Variants in NEURL1 observed in about 807,000 individuals in gnomAD.
NEURL1 encodes neuralized E3 ubiquitin protein ligase 1.
A neutral mutation model predicts 41.2 loss-of-function variants in NEURL1; 26 were observed. The ratio of observed to expected loss-of-function variants is 0.63; its 90% CI spans 0.46 to 0.87. NEURL1 has a LOEUF of 0.87. Among genes scored for constraint, NEURL1 ranks in the 40% least tolerant of loss-of-function variants. The pLI is 0.00. For synonymous variants in NEURL1, 400 were observed against 402.3 expected, an observed-to-expected ratio of 0.99 and a Z score of 0.07; for missense variants, 761 against 871.1, an observed-to-expected ratio of 0.87 and a Z score of 1.59.
chr10:103,578,314 C>A (rs1024908996), intron 3 of NEURL1, among the ~76,000 whole-genome samples: 18 of 152,224 alleles, frequency 1.2e-4, no homozygotes, highest in Non-Finnish European at 2.4e-4. Flanking sequence ...AAAAAGCCAA[C>A]CCCTCAAACC....
rs371448671 is a variant in NEURL1 at position 103,571,131 on chromosome 10, C to A, written c.327+18C>A. On this transcript the variant is annotated intron_variant, in intron 2 of 5. Coordinates refer to ENST00000369780, the MANE Select transcript of NEURL1 (RefSeq NM_004210.5). ...GGCTGAAGGTGGGCCTGCCCCCTGCCCCCGCCCCCGCCTCCTGCTTCCTGC... is the reference window on the plus strand; with the variant it reads ...GGCTGAAGGTGGGCCTGCCCCCTGCACCCGCCCCCGCCTCCTGCTTCCTGC... 1.2e-6 allele frequency: 2 copies of A among 1,607,614 alleles called. No homozygotes were observed.
At chr10:103,568,693 G>A (rs1024384498) in intron 1 of NEURL1, among the ~76,000 whole-genome samples, 6 of 152,028 alleles carry the variant, frequency 3.9e-5, no homozygotes, top group African/African-American at 2.4e-5. Context: ...TAAAAAAAAA[G>A]ATAAGGAACA....
chr10:103,505,913 A>C (rs1195080980), intron 1 of NEURL1, among the ~76,000 whole-genome samples: 1 of 152,096 alleles, frequency 6.6e-6, no homozygotes, highest in Non-Finnish European at 1.5e-5. Flanking sequence ...CCCGCTTCTC[A>C]CTCATTCTGT....
At chr10:103,505,220 A>ATTTT (rs34595199) in intron 1 of NEURL1, among the ~76,000 whole-genome samples, 2 of 128,642 alleles carry the variant, frequency 1.6e-5, no homozygotes, top group Non-Finnish European at 1.6e-5. Flanking sequence ...AGCCCAGCTA[A>ATTTT]TTTTTTTTTT....
intron 1 of NEURL1, among the ~76,000 whole-genome samples, chr10:103,498,813 G>A (rs1287526259): frequency 6.6e-6 from 1 of 152,144 alleles, no homozygotes; most frequent in Non-Finnish European, 1.5e-5. Context: ...TTTGTGTCAA[G>A]CGTCTTTTAC....
In NEURL1 at chr10:103,516,227, C is replaced by CAAAA. The variant is rs59180957; in HGVS notation, c.85+21769_85+21772dup. Among the ~76,000 whole-genome samples, 42 of 59,284 alleles carry CAAAA rather than the reference C, an allele frequency of 7.1e-4. 1 individual carries two copies. Among genetic ancestry groups the CAAAA allele is most frequent in the East Asian group, 1.8e-3 (4 of 2,228 alleles). 38.9% of individuals were successfully genotyped at this position (59,284 alleles called of 152,430 possible). A position where few individuals can be genotyped will look rare whatever the true frequency, so the allele number is the denominator to read the frequency against. On this transcript the variant is annotated intron_variant, in intron 1 of 5. Coordinates refer to ENST00000369780, the MANE Select transcript of NEURL1 (RefSeq NM_004210.5). ...TGGGTGATAGAGTGAGACCCCATCT[C>CAAAA]AAAAAAAAAAAAAAAAAGAAAAGAA...
rs761043422 is a variant in NEURL1, at chr10:103,516,842, TTCCTTTC to T, written c.85+22386_85+22392del. 7.9e-5 allele frequency among the ~76,000 whole-genome samples: 12 copies of T among 152,090 alleles called. No homozygotes were observed. In the East Asian group the frequency reaches 9.6e-4, roughly 12 times the overall value. On this transcript the variant is annotated intron_variant, in intron 1 of 5. Transcript: ENST00000369780. ...ACTTACACTTCCTGATTTATTTACT[TTCCTTTC>T]TCCTTTCTCCTTTCTTCCTTCCTCC... is the stretch of plus-strand genomic sequence containing the variant.
chr10:103,520,506 T>C (rs1482044952), intron 1 of NEURL1, among the ~76,000 whole-genome samples: 3 of 152,174 alleles, frequency 2.0e-5, no homozygotes, highest in African/African-American at 7.2e-5. Context: ...ATCACAATGG[T>C]GGAATGTCAT....
In NEURL1 at chr10:103,584,897, C is replaced by T; in HGVS notation, c.1011C>T (p.Thr337=). The change falls in exon 4 of 6, where the codon ACC becomes ACT. Residue 337 remains threonine, a synonymous_variant. Transcript: ENST00000369780. The part of the protein sequence containing the change: ...FTSRPVRVAE[T]IFVKVTRSGG... ...GCCGGCCCGTGCGCGTGGCCGAGAC[C>T]ATCTTCGTCAAGGTCACGCGCTCGG... The T allele has an allele frequency of 6.8e-7, 1 of 1,461,354 alleles. No individual in the cohort carries two copies. The highest frequency in any genetic ancestry group is 9.0e-7 in the Non-Finnish European group (1 of 1,115,080). 90.5% of individuals were successfully genotyped at this position (1,461,354 alleles called of 1,614,324 possible).
At chr10:103,519,777 T>C (rs775089556) in intron 1 of NEURL1, among the ~76,000 whole-genome samples, 3 of 143,534 alleles carry the variant, frequency 2.1e-5, no homozygotes, top group Non-Finnish European at 4.6e-5. Context: ...TTTTTTGTTG[T>C]TGTTGTTGTT....
rs116006692 is a variant in NEURL1 at position 103,570,596 on chromosome 10, G to A, written c.86-276G>A. Among the ~76,000 whole-genome samples, 647 of 148,470 alleles carry A rather than the reference G, an allele frequency of 4.4e-3. 5 individuals are homozygous for A. The highest frequency in any genetic ancestry group is 0.015 in the African/African-American group (597 of 40,484). ...GCAGAGGGTGGTAAATACTAGTGGG[G>A]AGAGGAGGTGGGAGAGGGTGGGGGT... On this transcript the variant is annotated intron_variant, in intron 1 of 5. Transcript: ENST00000369780.
intron 3 of NEURL1, among the ~76,000 whole-genome samples, chr10:103,583,117 T>C (rs1201416260): frequency 6.6e-6 from 1 of 152,088 alleles, no homozygotes; most frequent in Non-Finnish European, 1.5e-5. Flanking sequence ...ATTAGAAGAA[T>C]ATGGTGTTGG....
chr10:103,510,417 C>T (rs965003722), intron 1 of NEURL1, among the ~76,000 whole-genome samples: 4 of 152,162 alleles, frequency 2.6e-5, no homozygotes, highest in East Asian at 3.9e-4. Flanking sequence ...TGGATCTTAA[C>T]GTGTGCTGAG....
rs774034733 is a variant in NEURL1, at chr10:103,584,683, C to T, written c.797C>T (p.Ala266Val). ...NVPGADGDEA[A>V]PAAGCPIPQN... ...CCGGGCGCGGACGGCGACGAGGCCG[C>T]GCCGGCCGCCGGCTGCCCCATCCCG... Residue 266 changes from alanine (A) to valine (V), a missense_variant, in exon 4 of 6, where the codon GCG becomes GTG. Ala to Val is a moderately conservative substitution (Grantham distance 64). Transcript: ENST00000369780. 4 of 1,430,254 alleles carry T rather than the reference C, an allele frequency of 2.8e-6. No individual in the cohort carries two copies. Among genetic ancestry groups the T allele is most frequent in the South Asian group, 1.4e-5 (1 of 69,806 alleles). 88.6% of individuals were successfully genotyped at this position (1,430,254 alleles called of 1,614,324 possible).
At chr10:103,523,205 A>T (rs1022123074) in intron 1 of NEURL1, among the ~76,000 whole-genome samples, 1 of 152,122 alleles carries the variant, frequency 6.6e-6, no homozygotes, top group African/African-American at 2.4e-5. Flanking sequence ...TTGTAATCCC[A>T]ACACTTTGGG....
At chr10:103,559,851 C>T (rs1373729205) in intron 1 of NEURL1, among the ~76,000 whole-genome samples, 1 of 144,020 alleles carries the variant, frequency 6.9e-6, no homozygotes, top group Non-Finnish European at 1.5e-5. Flanking sequence ...TGTGCGCACA[C>T]ACACACATGT....
chr10:103,531,762 C>G lies in NEURL1; in HGVS notation c.85+37290C>G, dbSNP rs554431882. Among the ~76,000 whole-genome samples the G allele has an allele frequency of 1.1e-4, 16 of 152,230 alleles. No individual in the cohort carries two copies. In the East Asian group the frequency reaches 1.7e-3, roughly 17 times the overall value. On this transcript the variant is annotated intron_variant, in intron 1 of 5. Transcript: ENST00000369780. ...CTTGAACTTCTGGCCTCAAATAACC[C>G]TTCTGCCTCAGTCTCCCAAAGTGCT...
chr10:103,584,275 G>T (rs1384671465), intron 3 of NEURL1, among the ~76,000 whole-genome samples: 1 of 152,242 alleles, frequency 6.6e-6, no homozygotes, highest in Admixed American at 6.5e-5. Flanking sequence ...GTACACATAT[G>T]CATATAGCAA....
rs182270114 is a variant in NEURL1 at position 103,506,452 on chromosome 10, G to T, written c.85+11980G>T. 7.2e-5 allele frequency among the ~76,000 whole-genome samples: 11 copies of T among 152,286 alleles called. No individual in the cohort carries two copies. In the East Asian group the frequency reaches 2.1e-3, roughly 29 times the overall value. ...AATTGAGAGGTGAGTACTGGGCATG[G>T]TCTCTGCCCTGACATACTCAGGGCC... On this transcript the variant is annotated intron_variant, in intron 1 of 5. Transcript: ENST00000369780.
Sources: gnomAD v4.1 joint callset for allele counts (sites outside exome capture counted in the v4.1 genomes callset) on GRCh38, gnomAD v4.1.1 for gene constraint, MANE v1.5 for transcripts, NCBI Gene and HGNC (gene_info 2026-07-23, HGNC 2026-07-21) for gene names.